The following FAM177A1 variants were observed in gnomAD, a reference collection of about 807,000 sequenced individuals.
FAM177A1 encodes the protein family with sequence similarity 177 member A1, also known as protein FAM177A1.
In FAM177A1, 22 loss-of-function variants were observed where a neutral mutation model predicts 26.1. The observed-to-expected ratio is 0.84, with a 90% CI of 0.60 to 1.20. The LOEUF is 1.20. Ranked by LOEUF, FAM177A1 falls within the 50% of genes most tolerant of loss-of-function variation. The pLI, the probability that FAM177A1 is intolerant of heterozygous loss-of-function variation, is 0.00. For missense variants in FAM177A1, 296 were observed against 291.1 expected (o/e 1.02, Z -0.12); for synonymous variants, 95 against 99.3 (o/e 0.96, Z 0.26).
chr14:35,073,531 G>C (rs1271009419), intron 2 of FAM177A1, among the ~76,000 whole-genome samples: 2 of 152,224 alleles, frequency 1.3e-5, no homozygotes, highest in Non-Finnish European at 2.9e-5. Context: ...GTGGGGTTCT[G>C]GGTGGCCAGG....
chr14:35,073,084 T>TCTC (rs58035707), intron 2 of FAM177A1, among the ~76,000 whole-genome samples: 1 of 151,556 alleles, frequency 6.6e-6, no homozygotes, highest in Non-Finnish European at 1.5e-5. Flanking sequence ...TTCTTCTTCT[T>TCTC]TTTTTTGAGA....
intron 1 of FAM177A1, among the ~76,000 whole-genome samples, chr14:35,047,776 CAACAACAAA>C (rs67535644): frequency 0.12 from 13,447 of 114,792 alleles, 682 homozygotes; most frequent in Non-Finnish European, 0.13. Flanking sequence ...ACAACAACAA[CAACAACAAA>C]AAAAAAACCC....
chr14:35,081,258 TAA>T lies in FAM177A1; in HGVS notation c.*31_*32del, dbSNP rs139237361. 0.15 allele frequency: 234,691 copies of T among 1,566,386 alleles called. 18,834 individuals are homozygous for T. Among genetic ancestry groups the T allele is most frequent in the Middle Eastern group, 0.22 (1,141 of 5,100 alleles). Reference sequence around the variant, plus strand: ...AAATGACTATCAAGCTTCAAACTCTTAAGTTTTTTTTTTTTAATACAAAAACT... The same window carrying T: ...AAATGACTATCAAGCTTCAAACTCTTGTTTTTTTTTTTTAATACAAAAACT... On this transcript the variant is annotated 3_prime_UTR_variant, in exon 5 of 5. Transcript: ENST00000280987.
In FAM177A1 at chr14:35,070,114, C is replaced by CA. The variant is rs746133319; in HGVS notation, c.340-7000dup. ...TGGGCGACAGAGTGAGACTCTGTCT[C>CA]AAAAAAAAAAAAAAAAAAAAAAAAA... On this transcript the variant is annotated intron_variant, in intron 2 of 4. Transcript: ENST00000280987. Among the ~76,000 whole-genome samples the CA allele has an allele frequency of 2.7e-3, 143 of 53,850 alleles. 25 individuals carry two copies. The highest frequency in any genetic ancestry group is 4.0e-3 in the African/African-American group (48 of 12,088). The allele number at this position is 53,850 out of a possible 152,430, so 35.3% of individuals were successfully genotyped here.
At chr14:35,046,729 C>T (rs1255121792) in intron 1 of FAM177A1, 101 bp downstream of exon 1, 1 of 1,423,952 alleles carries the variant, frequency 7.0e-7, no homozygotes, top group East Asian at 2.8e-5. Flanking sequence ...TCCGAGCAGG[C>T]CGCCCCAGCT....
At chr14:35,074,605 C>T (rs1006796002) in intron 2 of FAM177A1, among the ~76,000 whole-genome samples, 12 of 151,718 alleles carry the variant, frequency 7.9e-5, no homozygotes, top group South Asian at 2.1e-4. Context: ...GGATTACAGA[C>T]GTGAGCCACT....
intron 1 of FAM177A1, among the ~76,000 whole-genome samples, chr14:35,047,389 T>C (rs2139052644): frequency 6.6e-6 from 1 of 152,354 alleles, no homozygotes; most frequent in East Asian, 1.9e-4. Flanking sequence ...CAGTTCTGGC[T>C]GACCACATTT....
chr14:35,055,741 G>A (rs901663248), intron 2 of FAM177A1, among the ~76,000 whole-genome samples: 1 of 152,054 alleles, frequency 6.6e-6, no homozygotes, highest in Non-Finnish European at 1.5e-5. Flanking sequence ...TAGATGTCTG[G>A]GGAACTGCCT....
At chr14:35,077,310 A>C (rs1008168943) in intron 3 of FAM177A1, 94 bp downstream of exon 3, 58 of 1,117,200 alleles carry the variant, frequency 5.2e-5, no homozygotes, top group Admixed American at 6.8e-5. Context: ...CTGAAGGAGA[A>C]ACAATAGGGA....
chr14:35,077,942 G>A, intron 3 of FAM177A1, among the ~76,000 whole-genome samples: 1 of 152,108 alleles, frequency 6.6e-6, no homozygotes, highest in South Asian at 2.1e-4. Flanking sequence ...AAATTGAGAT[G>A]TGACTAAGTC....
chr14:35,063,855 CA>C (rs2138546850), intron 2 of FAM177A1, among the ~76,000 whole-genome samples: 1 of 151,052 alleles, frequency 6.6e-6, no homozygotes, highest in East Asian at 2.0e-4. Context: ...GCCTGGCCAA[CA>C]TGGTAAAACC....
In FAM177A1 at chr14:35,053,275, T is replaced by A; in HGVS notation, c.166-3T>A. ...TCATTTTCTTAAAATATCGTTGATA[T>A]AGATGAGTAACGAAAGAGGCTTTGA... On this transcript the variant is annotated splice_region_variant and splice_polypyrimidine_tract_variant and intron_variant, in intron 1 of 4. Transcript: ENST00000280987. The A allele has an allele frequency of 6.2e-7, 1 of 1,606,162 alleles. No homozygotes were observed. Among genetic ancestry groups the A allele is most frequent in the Non-Finnish European group, 8.5e-7 (1 of 1,177,996 alleles).
chr14:35,053,414 G>A lies in FAM177A1; in HGVS notation c.302G>A (p.Gly101Asp), dbSNP rs912241900. The change falls in exon 2 of 5, where the codon GGC becomes GAC. Residue 101 changes from glycine to aspartate, a missense_variant. By Grantham distance (94) the Gly-to-Asp change is moderately conservative (BLOSUM62 -1). Transcript: ENST00000280987. Reference sequence around the variant, plus strand: ...AGCACAGATGAAGACGAAGTTGATGGCCTGGAGAAGAAAGATGTTTTGCCT... The same window carrying A: ...AGCACAGATGAAGACGAAGTTGATGACCTGGAGAAGAAAGATGTTTTGCCT... ...EYSTDEDEVD[G>D]LEKKDVLPTV... is the part of the protein sequence containing the mutation. 14 of 1,614,082 alleles carry A rather than the reference G, an allele frequency of 8.7e-6. No homozygotes were observed. The East Asian group carries it at 3.1e-4, about 36-fold the overall frequency.
intron 2 of FAM177A1, among the ~76,000 whole-genome samples, chr14:35,056,528 T>C (rs1020290170): frequency 2.6e-5 from 4 of 152,026 alleles, no homozygotes; most frequent in Admixed American, 6.6e-5. Context: ...GCTAATTTTT[T>C]TTGTATTTTT....
At chr14:35,073,919 T>C (rs2045358573) in intron 2 of FAM177A1, among the ~76,000 whole-genome samples, 2 of 152,202 alleles carry the variant, frequency 1.3e-5, no homozygotes, top group Admixed American at 1.3e-4. Flanking sequence ...CTGATAGATA[T>C]CCTTTCTTCT....
Position 35,046,436 on chromosome 14 carries a change from G to A in FAM177A1, c.-28G>A, listed in dbSNP as rs373148442. The A allele has an allele frequency of 6.6e-7, 1 of 1,515,668 alleles. No individual in the cohort carries two copies. The highest frequency in any genetic ancestry group is 8.9e-7 in the Non-Finnish European group (1 of 1,126,650). 93.9% of individuals were successfully genotyped at this position (1,515,668 alleles called of 1,614,324 possible). On this transcript the variant is annotated 5_prime_UTR_variant, in exon 1 of 5. Transcript: ENST00000280987. ...GTCCCACTTCCCGACAGCCTGGCTC[G>A]GCCAGCGACTGGGCGGGGAGACCAA...
chr14:35,053,951 C>A (rs1045495313), intron 2 of FAM177A1, among the ~76,000 whole-genome samples: 9 of 152,100 alleles, frequency 5.9e-5, no homozygotes, highest in Admixed American at 5.2e-4. Flanking sequence ...CAAGGTTATG[C>A]CATTGCACTC....
At position 35,081,580 on chromosome 14, in the gene FAM177A1, A is replaced by C. The variant is rs908420788; in HGVS notation, c.*352A>C. 7 of 162,832 alleles carry C rather than the reference A, an allele frequency of 4.3e-5. No individual in the cohort carries two copies. Among genetic ancestry groups the C allele is most frequent in the African/African-American group, 1.7e-4 (7 of 41,676 alleles). 10.1% of individuals were successfully genotyped at this position (162,832 alleles called of 1,614,324 possible). ...AAAAGGTAAGTTGCTGATTAAGTCT[A>C]ATTGGAATTGATAATTCCATAGTCT... On this transcript the variant is annotated 3_prime_UTR_variant, in exon 5 of 5. Transcript: ENST00000280987.
chr14:35,050,212 T>G (rs751146822), intron 1 of FAM177A1: 1 of 152,068 alleles, frequency 6.6e-6, no homozygotes, highest in Non-Finnish European at 1.5e-5. Context: ...TTTCACCATG[T>G]TAGCCAGGGT....
Sources: allele counts gnomAD v4.1 joint callset (sites outside exome capture counted in the v4.1 genomes callset), GRCh38; gene constraint gnomAD v4.1.1; transcripts MANE v1.5; gene names NCBI Gene and HGNC (gene_info 2026-07-23, HGNC 2026-07-21).